PHC2: variants seen among roughly 807,000 people sequenced by gnomAD.
PHC2 encodes the protein polyhomeotic homolog 2, also known as polyhomeotic-like protein 2.
PHC2 carries 29 observed loss-of-function variants against 87.4 expected under a neutral mutation model. The observed-to-expected ratio is 0.33, with a 90% CI of 0.25 to 0.45. The LOEUF is 0.45. PHC2 is among the 20% of genes least tolerant of loss of function. The pLI is 1.00. For synonymous variants in PHC2, 438 were observed against 461.7 expected (o/e 0.95, Z 0.66); for missense variants, 857 against 1,136.7 (o/e 0.75, Z 3.54).
intron 1 of PHC2, among the ~76,000 whole-genome samples, chr1:33,380,545 A>T (rs1263076814): frequency 6.6e-6 from 1 of 152,188 alleles, no homozygotes; most frequent in Non-Finnish European, 1.5e-5. Context: ...TCCATTGTAT[A>T]CCTACATACA....
At chr1:33,393,800 A>G (rs988019783) in intron 1 of PHC2, among the ~76,000 whole-genome samples, 1 of 25,708 alleles carries the variant, frequency 3.9e-5, no homozygotes, top group Non-Finnish European at 7.4e-5. Flanking sequence ...AGCCCACATC[A>G]CCATCAGGAA....
chr1:33,333,805 T>A (rs927370332), intron 10 of PHC2: 4 of 376,710 alleles, frequency 1.1e-5, no homozygotes, highest in Non-Finnish European at 1.9e-5. Flanking sequence ...TGAACTCCCT[T>A]TTAACCAAGG....
At chr1:33,356,269 A>ATATATG (rs1647076412) in intron 7 of PHC2, among the ~76,000 whole-genome samples, 3 of 99,152 alleles carry the variant, frequency 3.0e-5, no homozygotes, top group Non-Finnish European at 6.1e-5. Context: ...ATATATATAT[A>ATATATG]TATATATGTA....
rs769543964 is a variant in PHC2 at position 33,331,651 on chromosome 1, G to A, written c.1892-189C>T. 9.7e-5 allele frequency: 49 copies of A among 503,724 alleles called. No homozygotes were observed. Among genetic ancestry groups the A allele is most frequent in the Non-Finnish European group, 1.6e-4 (45 of 284,312 alleles). 31.2% of individuals were successfully genotyped at this position (503,724 alleles called of 1,614,324 possible). ...CCTGGAATGCACTCAAGGGTGTCTGGGGATGCCCCTTGTAGACTTGACATT... is the reference window on the plus strand; with the variant it reads ...CCTGGAATGCACTCAAGGGTGTCTGAGGATGCCCCTTGTAGACTTGACATT... On this transcript the variant is annotated intron_variant, in intron 11 of 14. Coordinates refer to ENST00000683057, the MANE Select transcript of PHC2 (RefSeq NM_001385109.1). This position sits in a 1 kb window ranked among gnomAD's most constrained non-coding sequence, Gnocchi z 5.2.
In PHC2 at chr1:33,349,505, G is replaced by A; in HGVS notation, c.1558+4896C>T. 2.0e-6 allele frequency: 2 copies of A among 985,042 alleles called. No individual in the cohort carries two copies. Among genetic ancestry groups the A allele is most frequent in the Non-Finnish European group, 2.4e-6 (2 of 829,714 alleles). 61.0% of individuals were successfully genotyped at this position (985,042 alleles called of 1,614,324 possible). On this transcript the variant is annotated intron_variant, in intron 9 of 14. Coordinates refer to ENST00000683057, the MANE Select transcript of PHC2 (RefSeq NM_001385109.1). This position sits in a 1 kb window ranked among gnomAD's most constrained non-coding sequence, Gnocchi z 4.2. ...CAGCCGCGTAGGCCCGGGCCGTTAG[G>A]GGCACCGAGGGCGGTGCCCGACTTC...
chr1:33,329,028 G>A lies in PHC2; in HGVS notation c.2267C>T (p.Ala756Val). 6.2e-7 allele frequency: 1 copy of A among 1,614,230 alleles called. No individual in the cohort carries two copies. The highest frequency in any genetic ancestry group is 8.5e-7 in the Non-Finnish European group (1 of 1,180,040). ...SYEEPLSPIS[A>V]SSSTSRRRQG... ...TCGCCGGCGGGAAGTAGATGAGCTG[G>A]CTGAGATGGGTGACAAGGGTTCCTC... Residue 756 changes from alanine to valine, a missense_variant, in exon 14 of 15, where the codon GCC becomes GTC. Ala to Val is a moderately conservative substitution (Grantham distance 64). Transcript: ENST00000683057.
intron 2 of PHC2, among the ~76,000 whole-genome samples, chr1:33,373,098 G>A (rs1647957484): frequency 6.7e-6 from 1 of 149,034 alleles, no homozygotes; most frequent in South Asian, 2.1e-4. Context: ...GTGCCACAGG[G>A]ACAGCACACT....
At chr1:33,393,648 G>A (rs12079587) in intron 1 of PHC2, among the ~76,000 whole-genome samples, 1 of 152,250 alleles carries the variant, frequency 6.6e-6, no homozygotes, top group Non-Finnish European at 1.5e-5. Context: ...CTAGGCTTCA[G>A]AAGGTAGGTT....
intron 1 of PHC2, among the ~76,000 whole-genome samples, chr1:33,400,939 TAATA>T (rs552265652): frequency 1.4e-4 from 21 of 152,140 alleles, no homozygotes; most frequent in African/African-American, 4.6e-4. Context: ...ACATTAAAAA[TAATA>T]AATAAATAAA....
chr1:33,349,948 A>G lies in PHC2; in HGVS notation c.1558+4453T>C, dbSNP rs1646933675. On this transcript the variant is annotated intron_variant, in intron 9 of 14. Coordinates refer to ENST00000683057, the MANE Select transcript of PHC2 (RefSeq NM_001385109.1). This position sits in a 1 kb window ranked among gnomAD's most constrained non-coding sequence, Gnocchi z 4.2. ...GGCCGCCTCCGCCGGGGGCGGGGCG[A>G]GGGAGCGGGGCGGGGAGGGGCGGGG... 1 of 204,534 alleles carries G rather than the reference A, an allele frequency of 4.9e-6. No individual in the cohort carries two copies. Among genetic ancestry groups the G allele is most frequent in the Non-Finnish European group, 7.0e-6 (1 of 142,034 alleles). 12.7% of individuals were successfully genotyped at this position (204,534 alleles called of 1,614,324 possible).
chr1:33,325,869 CAGA>C (rs1319542117), intron 14 of PHC2: 2 of 456,458 alleles, frequency 4.4e-6, no homozygotes, highest in African/African-American at 2.0e-5. Context: ...AGGCAGGAGC[CAGA>C]AGGACTCTGT....
rs373458489 is a variant in PHC2 at position 33,382,460 on chromosome 1, C to G, written c.-54-6867G>C. Among the ~76,000 whole-genome samples the G allele has an allele frequency of 4.5e-4, 68 of 152,136 alleles. 3 individuals carry two copies. Among genetic ancestry groups the G allele is most frequent in the Admixed American group, 1.4e-3 (22 of 15,268 alleles). On this transcript the variant is annotated intron_variant, in intron 1 of 14. Transcript: ENST00000683057. This position sits in a 1 kb window ranked among gnomAD's most constrained non-coding sequence, Gnocchi z 4.3. ...TTCTTTCCTTCTCTTCCAACTAGTT[C>G]TTTATTTCTTCCCCAAGGCCACCCA...
intron 7 of PHC2, among the ~76,000 whole-genome samples, chr1:33,362,005 T>G (rs536568541): frequency 6.6e-6 from 1 of 152,334 alleles, no homozygotes; most frequent in Admixed American, 6.5e-5. Context: ...GTGATGAAAC[T>G]GGGGTCTGAA....
chr1:33,372,973 C>G (rs529936380), intron 2 of PHC2, among the ~76,000 whole-genome samples: 1 of 152,244 alleles, frequency 6.6e-6, no homozygotes, highest in Non-Finnish European at 1.5e-5. Flanking sequence ...ATGCCTCCTT[C>G]TTGAGGCTGG....
rs1646333115 is a variant in PHC2 at position 33,324,707 on chromosome 1, G to A, written c.*158C>T. On this transcript the variant is annotated 3_prime_UTR_variant, in exon 15 of 15. Transcript: ENST00000683057. Reference sequence around the variant, plus strand: ...CCACAGAAATGAAAGGCCCCTGAGAGCCATGGAGGAGGTGCCCAGACCTCC... The same window carrying A: ...CCACAGAAATGAAAGGCCCCTGAGAACCATGGAGGAGGTGCCCAGACCTCC... 1 of 630,350 alleles carries A rather than the reference G, an allele frequency of 1.6e-6. No individual in the cohort carries two copies. The highest frequency in any genetic ancestry group is 2.8e-5 in the South Asian group (1 of 36,076). 39.0% of individuals were successfully genotyped at this position (630,350 alleles called of 1,614,324 possible).
rs1319446964 is a variant in PHC2, at chr1:33,369,267, C to T, written c.577-645G>A. Among the ~76,000 whole-genome samples, 1 of 152,212 alleles carries T rather than the reference C, an allele frequency of 6.6e-6. No individual in the cohort carries two copies. Among genetic ancestry groups the T allele is most frequent in the Non-Finnish European group, 1.5e-5 (1 of 68,038 alleles). On this transcript the variant is annotated intron_variant, in intron 5 of 14. Coordinates refer to ENST00000683057, the MANE Select transcript of PHC2 (RefSeq NM_001385109.1). The surrounding 1 kb of genome is among the most constrained non-coding windows in gnomAD (Gnocchi z 4.7). Reference sequence around the variant, plus strand: ...GTTCTCTGCATGACACCTCGACCTCCGTGGGAGTCTAGCTCTGCATCAGTG... The same window carrying T: ...GTTCTCTGCATGACACCTCGACCTCTGTGGGAGTCTAGCTCTGCATCAGTG...
chr1:33,346,415 C>T lies in PHC2; in HGVS notation c.1558+7986G>A, dbSNP rs539472520. On this transcript the variant is annotated intron_variant, in intron 9 of 14. Transcript: ENST00000683057. ...ACAAAGGGAATAAAAGAGAAACTAT[C>T]AATTATGAAGACTCCTCATTCTCAT... is the stretch of plus-strand genomic sequence containing the variant. 4.5e-4 allele frequency: 448 copies of T among 985,368 alleles called. 1 individual carries two copies. Among genetic ancestry groups the T allele is most frequent in the South Asian group, 2.4e-3 (51 of 21,284 alleles). The allele number at this position is 985,368 out of a possible 1,614,324, so 61.0% of individuals were successfully genotyped here.
intron 9 of PHC2, among the ~76,000 whole-genome samples, chr1:33,352,379 G>GT (rs1011043647): frequency 2.6e-5 from 4 of 152,092 alleles, no homozygotes; most frequent in African/African-American, 9.7e-5. Context: ...CCCACCACTT[G>GT]TTTTTTTCTA....
At position 33,364,390 on chromosome 1, in the gene PHC2, TCACACACA is replaced by T. The variant is rs34468965; in HGVS notation, c.976+2718_976+2725del. On this transcript the variant is annotated intron_variant, in intron 7 of 14. Coordinates refer to ENST00000683057, the MANE Select transcript of PHC2 (RefSeq NM_001385109.1). The surrounding 1 kb of genome is among the most constrained non-coding windows in gnomAD (Gnocchi z 4.1). ...CACACACACACACACACACTTGCTT[TCACACACA>T]CACACACACACACACACACACACAC... 5.5e-4 allele frequency among the ~76,000 whole-genome samples: 59 copies of T among 106,790 alleles called. No individual in the cohort carries two copies. Among genetic ancestry groups the T allele is most frequent in the African/African-American group, 1.9e-3 (40 of 20,784 alleles). The allele number at this position is 106,790 out of a possible 152,430, so 70.1% of individuals were successfully genotyped here.
Sources: gnomAD v4.1 joint callset for allele counts (sites outside exome capture counted in the v4.1 genomes callset) on GRCh38, gnomAD v4.1.1 for gene constraint, Gnocchi (gnomAD v3.1) non-coding constraint, MANE v1.5 for transcripts, NCBI Gene and HGNC (gene_info 2026-07-23, HGNC 2026-07-21) for gene names.